SUPT6H: variants seen among roughly 807,000 people sequenced by gnomAD.
SUPT6H encodes SPT6 homolog, histone chaperone and transcription elongation factor.
A neutral mutation model predicts 222.3 loss-of-function variants in SUPT6H; 11 were observed. That is an observed-to-expected ratio of 0.05 (90% CI 0.03 to 0.08). The LOEUF (loss-of-function observed/expected upper bound fraction) is 0.08. SUPT6H is among the 10% of genes least tolerant of loss of function. The pLI, the probability that SUPT6H is intolerant of heterozygous loss-of-function variation, is 1.00. For missense variants in SUPT6H, 1,422 were observed against 2,216.0 expected (o/e 0.64, Z 7.19); for synonymous variants, 762 against 801.2 (o/e 0.95, Z 0.83).
chr17:28,663,189 A>C (rs1425013345), intron 1 of SUPT6H, among the ~76,000 whole-genome samples: 2 of 152,224 alleles, frequency 1.3e-5, no homozygotes, highest in South Asian at 4.1e-4. Context: ...TTCTTCGGAA[A>C]AATGTCTGGT....
Position 28,682,929 on chromosome 17 carries a change from A to G in SUPT6H, c.1728-13A>G. The G allele has an allele frequency of 4.3e-6, 7 of 1,611,506 alleles. No individual in the cohort carries two copies. The highest frequency in any genetic ancestry group is 5.9e-6 in the Non-Finnish European group (7 of 1,178,328). The stretch of plus-strand genomic sequence containing the variant: ...AACACCCTGGTCCTGTAGCTGCACC[A>G]TTTTCCCCACAGCCAGTTCCCTACT... On this transcript the variant is annotated splice_polypyrimidine_tract_variant and intron_variant, in intron 14 of 36. Transcript: ENST00000314616.
chr17:28,683,503 G>A (rs777170150), intron 16 of SUPT6H, 81 bp downstream of exon 16: 2 of 1,590,818 alleles, frequency 1.3e-6, no homozygotes, highest in Non-Finnish European at 1.7e-6. Flanking sequence ...CTCAGGAGTG[G>A]GGAACCACAA....
intron 27 of SUPT6H, among the ~76,000 whole-genome samples, chr17:28,692,157 A>C (rs1303179348): frequency 6.7e-6 from 1 of 149,874 alleles, no homozygotes; most frequent in African/African-American, 2.5e-5. Flanking sequence ...CCCTGTCTCT[A>C]CTAAACAATA....
At chr17:28,692,637 G>C (rs1184291292) in intron 27 of SUPT6H, among the ~76,000 whole-genome samples, 1 of 148,024 alleles carries the variant, frequency 6.8e-6, no homozygotes, top group Non-Finnish European at 1.5e-5. Context: ...GCCGAGGCAG[G>C]TGGAGTGCTT....
intron 25 of SUPT6H, 100 bp downstream of exon 25, chr17:28,689,661 T>G: frequency 8.8e-7 from 1 of 1,132,774 alleles, no homozygotes; most frequent in Non-Finnish European, 1.3e-6. Flanking sequence ...CCTGATACTG[T>G]TAGTATGGCA....
At position 28,688,249 on chromosome 17, in the gene SUPT6H, G is replaced by C. The variant is rs1183222483; in HGVS notation, c.3134+31G>C. On this transcript the variant is annotated intron_variant, in intron 24 of 36. Transcript: ENST00000314616. The surrounding 1 kb of genome is among the most constrained non-coding windows in gnomAD (Gnocchi z 4.3). The stretch of plus-strand genomic sequence containing the variant: ...GCCCTCTGCCTGGATGGGGCAGGAG[G>C]AATTCCCTTGTGGGCTTTGTTTTCG... 1 of 1,604,430 alleles carries C rather than the reference G, an allele frequency of 6.2e-7. No homozygotes were observed. The highest frequency in any genetic ancestry group is 8.5e-7 in the Non-Finnish European group (1 of 1,174,956).
Position 28,683,818 on chromosome 17 carries a change from TG to T in SUPT6H, c.2229+3del. 4 of 1,599,082 alleles carry T rather than the reference TG, an allele frequency of 2.5e-6. No individual in the cohort carries two copies. In the South Asian group the frequency reaches 4.5e-5, roughly 18 times the overall value. On this transcript the variant is annotated splice_donor_region_variant and intron_variant, in intron 17 of 36. Transcript: ENST00000314616. ...GAAGCCAAGGAATATGTCATAAAGG[TG>T]AGGACAGAGACTCATGATTTTTTTT...
Position 28,702,038 on chromosome 17 carries a change from TA to T in SUPT6H, c.*414del, listed in dbSNP as rs1171001104. 1 of 165,946 alleles carries T rather than the reference TA, an allele frequency of 6.0e-6. No homozygotes were observed. The highest frequency in any genetic ancestry group is 2.4e-5 in the African/African-American group (1 of 41,996). 10.3% of individuals were successfully genotyped at this position (165,946 alleles called of 1,614,324 possible). The stretch of plus-strand genomic sequence containing the variant: ...CTAGCTCTCGTGGGGAGAGGGATGC[TA>T]TTTATTCAGTTTGGGGCAGGAGGGA... On this transcript the variant is annotated 3_prime_UTR_variant, in exon 37 of 37. Coordinates refer to ENST00000314616, the MANE Select transcript of SUPT6H (RefSeq NM_003170.5).
At chr17:28,694,641 TAGAC>T (rs2031815466) in intron 28 of SUPT6H, among the ~76,000 whole-genome samples, 1 of 152,150 alleles carries the variant, frequency 6.6e-6, no homozygotes, top group South Asian at 2.1e-4. Context: ...TGCCACTACT[TAGAC>T]AGAAGGGCTC....
chr17:28,682,550 G>A (rs978064566), intron 13 of SUPT6H, among the ~76,000 whole-genome samples, 177 bp from the exon 14 acceptor site: 1 of 152,168 alleles, frequency 6.6e-6, no homozygotes, highest in African/African-American at 2.4e-5. Context: ...GAGCCCAGGT[G>A]GTTAAGGCTT....
In SUPT6H at chr17:28,686,350, T is replaced by C. The variant is rs1374053209; in HGVS notation, c.2499T>C (p.Ile833=). Residue 833 remains isoleucine, a synonymous_variant, in exon 20 of 37, where the codon ATT becomes ATC. Transcript: ENST00000314616. ...EEEREKKAQD[I]ETLKKFLLNK... ...TTCTTTCAATCCAGGCTCAAGACAT[T>C]GAAACGCTAAAGAAATTTCTCCTGA... 1 of 1,614,176 alleles carries C rather than the reference T, an allele frequency of 6.2e-7. No individual in the cohort carries two copies. Among genetic ancestry groups the C allele is most frequent in the Non-Finnish European group, 8.5e-7 (1 of 1,180,000 alleles).
rs771938073 is a variant in SUPT6H at position 28,676,318 on chromosome 17, G to T, written c.785G>T (p.Arg262Leu). The part of the protein sequence containing the change: ...RVRPKKTTKK[R>L]VSRRSIFEMY... Reference sequence around the variant, plus strand: ...CGCCCCAAGAAGACCACCAAGAAGCGTGTGAGCCGTAGGAGCATCTTTGAA... The same window carrying T: ...CGCCCCAAGAAGACCACCAAGAAGCTTGTGAGCCGTAGGAGCATCTTTGAA... The change falls in exon 7 of 37, where the codon CGT becomes CTT. Residue 262 changes from arginine to leucine, a missense_variant. By Grantham distance (102) the Arg-to-Leu change is moderately radical. Coordinates refer to ENST00000314616, the MANE Select transcript of SUPT6H (RefSeq NM_003170.5). 6.2e-7 allele frequency: 1 copy of T among 1,613,824 alleles called. No individual in the cohort carries two copies. Among genetic ancestry groups the T allele is most frequent in the Admixed American group, 1.7e-5 (1 of 59,942 alleles).
chr17:28,689,405 T>G lies in SUPT6H; in HGVS notation c.3186T>G (p.Thr1062=). The G allele has an allele frequency of 6.2e-7, 1 of 1,614,084 alleles. No individual in the cohort carries two copies. Among genetic ancestry groups the G allele is most frequent in the African/African-American group, 1.3e-5 (1 of 74,924 alleles). ...ATGGTTCCCGTGTCCACCCTGAGACTTATGAGTGGGCTAGGAAGATGGCAG... is the reference window on the plus strand; with the variant it reads ...ATGGTTCCCGTGTCCACCCTGAGACGTATGAGTGGGCTAGGAAGATGGCAG... ...VLDGSRVHPE[T]YEWARKMAVD... The change falls in exon 25 of 37, where the codon ACT becomes ACG. Residue 1062 remains threonine (T), a synonymous_variant. Coordinates refer to ENST00000314616, the MANE Select transcript of SUPT6H (RefSeq NM_003170.5).
At chr17:28,701,278 G>C in intron 36 of SUPT6H, 150 bp downstream of exon 36, 1 of 1,400,474 alleles carries the variant, frequency 7.1e-7, no homozygotes, top group Non-Finnish European at 9.6e-7. Context: ...GGGTGAAGAC[G>C]GAAGAGGGCA....
Position 28,697,965 on chromosome 17 carries a change from C to T in SUPT6H, c.4383C>T (p.Phe1461=). 1 of 1,614,006 alleles carries T rather than the reference C, an allele frequency of 6.2e-7. No individual in the cohort carries two copies. Among genetic ancestry groups the T allele is most frequent in the Non-Finnish European group, 8.5e-7 (1 of 1,180,030 alleles). ...AGAAGCCCACCTTCATCCCTTATTT[C>T]ATCTGTGCCTGCAAGGAACTGCCCG... ...KKEKPTFIPY[F]ICACKELPGK... Residue 1461 remains phenylalanine, a synonymous_variant, in exon 32 of 37, where the codon TTC becomes TTT. Transcript: ENST00000314616.
Position 28,678,150 on chromosome 17 carries a change from G to C in SUPT6H, c.1074G>C (p.Lys358Asn), listed in dbSNP as rs1470070156. The C allele has an allele frequency of 1.2e-6, 2 of 1,608,756 alleles. No individual in the cohort carries two copies. Among genetic ancestry groups the C allele is most frequent in the Middle Eastern group, 3.3e-4 (2 of 6,044 alleles). Reference sequence around the variant, plus strand: ...GGAAAGGGCCCAGCACAATTCAGAAGATCAAAGAGGCCCTGGGCTTCATGC... The same window carrying C: ...GGAAAGGGCCCAGCACAATTCAGAACATCAAAGAGGCCCTGGGCTTCATGC... ...FSRKGPSTIQ[K>N]IKEALGFMRN... Residue 358 changes from lysine to asparagine, a missense_variant, in exon 9 of 37, where the codon AAG (lysine) becomes AAC (asparagine). This residue lies in a region of SUPT6H where 389 missense variants were observed against 544.6 expected (regional missense o/e 0.71). Coordinates refer to ENST00000314616, the MANE Select transcript of SUPT6H (RefSeq NM_003170.5).
chr17:28,680,640 T>A (rs1416525242), intron 11 of SUPT6H, among the ~76,000 whole-genome samples: 1 of 152,050 alleles, frequency 6.6e-6, no homozygotes, highest in Non-Finnish European at 1.5e-5. Context: ...ATCATGTGTC[T>A]TGGTTTTGTT....
intron 1 of SUPT6H, among the ~76,000 whole-genome samples, chr17:28,669,848 A>G (rs1322481392): frequency 6.6e-6 from 1 of 152,246 alleles, no homozygotes; most frequent in Non-Finnish European, 1.5e-5. Context: ...AGGCAAGAGA[A>G]TCGCTTGAAC....
chr17:28,676,837 A>G (rs1381731439), intron 7 of SUPT6H, among the ~76,000 whole-genome samples: 1 of 151,960 alleles, frequency 6.6e-6, no homozygotes, highest in East Asian at 1.9e-4. Flanking sequence ...TGAGGTGGGA[A>G]GATTGCTTGA....
Sources: allele counts gnomAD v4.1 joint callset (sites outside exome capture counted in the v4.1 genomes callset), GRCh38; gene constraint gnomAD v4.1.1; regional missense constraint gnomAD v4.1.1; non-coding constraint Gnocchi (gnomAD v3.1); transcripts MANE v1.5; gene names NCBI Gene and HGNC (gene_info 2026-07-23, HGNC 2026-07-21).